The following MASP2 variants were observed in gnomAD, a reference collection of about 807,000 sequenced individuals.
The protein encoded by MASP2 is mannan-binding lectin serine protease 2.
A neutral mutation model predicts 57.1 loss-of-function variants in MASP2; 49 were observed. The ratio of observed to expected loss-of-function variants is 0.86; its 90% CI spans 0.68 to 1.09. The LOEUF (loss-of-function observed/expected upper bound fraction) is 1.09. Ranked by LOEUF, MASP2 falls within the 50% of genes least tolerant of loss-of-function variation. MASP2 has a pLI of 0.00. For missense variants in MASP2, 900 were observed against 874.8 expected, an observed-to-expected ratio of 1.03 and a Z score of -0.36; for synonymous variants, 379 against 340.8, an observed-to-expected ratio of 1.11 and a Z score of -1.24.
intron 6 of MASP2, among the ~76,000 whole-genome samples, chr1:11,040,930 G>A (rs1301486585): frequency 6.6e-6 from 1 of 151,266 alleles, no homozygotes; most frequent in Non-Finnish European, 1.5e-5. Context: ...TAAGTAGAAG[G>A]ATGGGTGGGT....
intron 10 of MASP2, 117 bp from the exon 11 acceptor site, chr1:11,027,765 A>ATT: frequency 9.1e-7 from 1 of 1,096,266 alleles, no homozygotes; most frequent in Non-Finnish European, 1.3e-6. Context: ...TATTACATGA[A>ATT]TTGGTGGGTG....
In MASP2 at chr1:11,027,538, C is replaced by T. The variant is rs538447621; in HGVS notation, c.1408G>A (p.Gly470Ser). The T allele has an allele frequency of 2.5e-6, 4 of 1,614,136 alleles. No individual in the cohort carries two copies. In the East Asian group the frequency reaches 6.7e-5, roughly 27 times the overall value. ...VLILGGTTAAGALLYDNWVLT... is the reference protein window; with the variant it reads ...VLILGGTTAASALLYDNWVLT... The stretch of plus-strand genomic sequence containing the variant: ...ACCCAGTTGTCATATAAAAGTGCAC[C>T]TGCTGCTGTGGTTCCACCTAATATC... Residue 470 changes from glycine (G) to serine (S), a missense_variant, in exon 11 of 11, where the codon GGT (glycine) becomes AGT (serine). Coordinates refer to ENST00000400897, the MANE Select transcript of MASP2 (RefSeq NM_006610.4).
At chr1:11,037,280 G>T (rs1254316688) in intron 7 of MASP2, among the ~76,000 whole-genome samples, 4 of 151,890 alleles carry the variant, frequency 2.6e-5, no homozygotes, top group African/African-American at 9.7e-5. Flanking sequence ...GTGGAGACGG[G>T]GTTTCACCAC....
chr1:11,043,531 C>G lies in MASP2; in HGVS notation c.549G>C (p.Leu183=). 6.3e-7 allele frequency: 1 copy of G among 1,597,070 alleles called. No individual in the cohort carries two copies. The highest frequency in any genetic ancestry group is 8.5e-7 in the Non-Finnish European group (1 of 1,172,872). ...LHRNKRTCSA[L]CSGQVFTQRS... ...TCTGGGTGAAGACCTGGCCGGAGCA[C>G]AGGGCTGGAAGGAGGGAAGGCAGGG... The change falls in exon 5 of 11, where the codon CTG becomes CTC. Residue 183 remains leucine (L), a synonymous_variant. Coordinates refer to ENST00000400897, the MANE Select transcript of MASP2 (RefSeq NM_006610.4).
At chr1:11,046,309 G>A (rs140795028) in intron 3 of MASP2, 27 of 565,904 alleles carry the variant, frequency 4.8e-5, no homozygotes, top group African/African-American at 2.6e-4. Flanking sequence ...TGCTGCGCCC[G>A]GCCAGTCCCT....
chr1:11,031,002 A>G, intron 8 of MASP2, 120 bp from the exon 9 acceptor site: 1 of 1,019,098 alleles, frequency 9.8e-7, no homozygotes, highest in Non-Finnish European at 1.4e-6. Context: ...CAGGAGTTTG[A>G]GACCAGCCTG....
In MASP2 at chr1:11,027,231, C is replaced by T; in HGVS notation, c.1715G>A (p.Gly572Glu). The change falls in exon 11 of 11, where the codon GGA (glycine) becomes GAA (glutamate). Residue 572 changes from glycine (G) to glutamate (E), a missense_variant. By Grantham distance (98) the Gly-to-Glu change is moderately conservative. Coordinates refer to ENST00000400897, the MANE Select transcript of MASP2 (RefSeq NM_006610.4). ...AAAACCCCTTTGGGTTAATCCCCATCCAGATGCAGTTCCAATGTCATCTGT... is the reference window on the plus strand; with the variant it reads ...AAAACCCCTTTGGGTTAATCCCCATTCAGATGCAGTTCCAATGTCATCTGT... Reference protein sequence around the residue: ...MRTDDIGTASGWGLTQRGFLA... With the variant: ...MRTDDIGTASEWGLTQRGFLA... 1 of 1,614,216 alleles carries T rather than the reference C, an allele frequency of 6.2e-7. No individual in the cohort carries two copies. Among genetic ancestry groups the T allele is most frequent in the Non-Finnish European group, 8.5e-7 (1 of 1,180,040 alleles).
chr1:11,037,816 G>T lies in MASP2; in HGVS notation c.890-5C>A. On this transcript the variant is annotated splice_polypyrimidine_tract_variant and splice_region_variant and intron_variant, in intron 6 of 10. Coordinates refer to ENST00000400897, the MANE Select transcript of MASP2 (RefSeq NM_006610.4). ...TCGGATAAGGGCAAGGCTGCGCTGC[G>T]CAGAGGAAACCAGGCTTGTTGGTTT... The T allele has an allele frequency of 6.3e-7, 1 of 1,583,586 alleles. No homozygotes were observed. Among genetic ancestry groups the T allele is most frequent in the Non-Finnish European group, 8.6e-7 (1 of 1,159,708 alleles).
intron 6 of MASP2, 134 bp downstream of exon 6, chr1:11,042,741 C>T (rs1638499182): frequency 5.8e-6 from 6 of 1,028,784 alleles, no homozygotes; most frequent in Admixed American, 2.3e-5. Context: ...TGCCTCAGAC[C>T]TCAGACACCA....
In MASP2 at chr1:11,027,501, G is replaced by GCAAAACC; in HGVS notation, c.1444_1445insGGTTTTG (p.Ala482GlyfsTer8). On this transcript the variant is annotated frameshift_variant, in exon 11 of 11. Transcript: ENST00000400897. LOFTEE classifies it low-confidence loss of function (END_TRUNC). ...ATGTTTTTGCTCATAGACGGCATGA[G>GCAAAACC]CAGCTGTTAGGACCCAGTTGTCATA... 6.2e-7 allele frequency: 1 copy of GCAAAACC among 1,614,174 alleles called. No homozygotes were observed. The highest frequency in any genetic ancestry group is 8.5e-7 in the Non-Finnish European group (1 of 1,180,048).
intron 10 of MASP2, chr1:11,029,634 C>CTTTTTTTTTTTTTTTTTT (rs551910712): frequency 1.2e-5 from 1 of 80,934 alleles, no homozygotes; most frequent in Non-Finnish European, 2.2e-5. Context: ...TTTTTAAAAT[C>CTTTTTTTTTTTTTTTTTT]TTTTTTTTTT....
intron 3 of MASP2, 68 bp downstream of exon 3, chr1:11,046,488 C>A (rs769524690): frequency 1.3e-6 from 2 of 1,575,468 alleles, no homozygotes; most frequent in African/African-American, 2.7e-5. Flanking sequence ...GGCTGCCTGG[C>A]CTAAGACAGA....
intron 4 of MASP2, among the ~76,000 whole-genome samples, chr1:11,043,842 TG>T (rs1457384310): frequency 1.3e-5 from 2 of 150,412 alleles, no homozygotes; most frequent in Non-Finnish European, 3.0e-5. Flanking sequence ...GGGAGCGTGG[TG>T]GTGTCCTGAG....
chr1:11,042,765 C>A (rs556558424), intron 6 of MASP2, 110 bp downstream of exon 6: 2 of 1,269,196 alleles, frequency 1.6e-6, no homozygotes, highest in African/African-American at 1.5e-5. Context: ...AACCTGGTGT[C>A]CCTTCCTAGT....
In MASP2 at chr1:11,043,550, G is replaced by A. The variant is rs1008322435; in HGVS notation, c.545-15C>T. On this transcript the variant is annotated splice_polypyrimidine_tract_variant and intron_variant, in intron 4 of 10. Transcript: ENST00000400897. The stretch of plus-strand genomic sequence containing the variant: ...GGAGCACAGGGCTGGAAGGAGGGAA[G>A]GCAGGGGAGTGACTTGGCGTGCCCT... The A allele has an allele frequency of 1.9e-6, 3 of 1,580,154 alleles. No individual in the cohort carries two copies. The highest frequency in any genetic ancestry group is 2.6e-6 in the Non-Finnish European group (3 of 1,162,592).
At chr1:11,034,707 A>AT in intron 8 of MASP2, 121 bp downstream of exon 8, 1 of 701,686 alleles carries the variant, frequency 1.4e-6, no homozygotes, top group Non-Finnish European at 2.3e-6. Context: ...TCAGAAAAAA[A>AT]AAAAAAAGGG....
intron 6 of MASP2, among the ~76,000 whole-genome samples, chr1:11,041,766 A>C (rs1638456391): frequency 0.015 from 11 of 730 alleles, no homozygotes; most frequent in Admixed American, 0.028. Flanking sequence ...GGATGGATGG[A>C]AGAATGGGTG....
chr1:11,038,557 G>T (rs1025777996), intron 6 of MASP2, among the ~76,000 whole-genome samples: 1 of 152,156 alleles, frequency 6.6e-6, no homozygotes. Context: ...AAAACCCACT[G>T]GTCAGTTTCG....
Position 11,037,579 on chromosome 1 carries a change from G to A in MASP2, c.1008+114C>T. 4 of 653,884 alleles carry A rather than the reference G, an allele frequency of 6.1e-6. No homozygotes were observed. The South Asian group carries it at 9.5e-5, about 15-fold the overall frequency. The allele number at this position is 653,884 out of a possible 1,614,324, so 40.5% of individuals were successfully genotyped here. On this transcript the variant is annotated intron_variant, in intron 7 of 10. Transcript: ENST00000400897. ...TTTTATCATTTAAAGATAGACAAAA[G>A]AAATCATGCTGACACACGATTTTCT...
Sources: gnomAD v4.1 joint callset for allele counts (sites outside exome capture counted in the v4.1 genomes callset) on GRCh38, gnomAD v4.1.1 for gene constraint, MANE v1.5 for transcripts, NCBI Gene and HGNC (gene_info 2026-07-23, HGNC 2026-07-21) for gene names.